The following UBAP2 variants were observed in gnomAD, a reference collection of about 807,000 sequenced individuals.
UBAP2 encodes the protein ubiquitin associated protein 2, also known as ubiquitin-associated protein 2.
In UBAP2, 75 loss-of-function variants were observed where a neutral mutation model predicts 139.6. That is an observed-to-expected ratio of 0.54 (90% CI 0.45 to 0.65). The LOEUF is 0.65. Ranked by LOEUF, UBAP2 falls within the 30% of genes least tolerant of loss-of-function variation. The probability of loss-of-function intolerance (pLI) is 0.00; values close to 1 mark genes in which losing one functional copy is unlikely to be tolerated. For missense variants in UBAP2, 1,368 were observed against 1,369.6 expected (o/e 1.00, Z 0.02); for synonymous variants, 526 against 526.2 (o/e 1.00, Z 0.01).
intron 1 of UBAP2, among the ~76,000 whole-genome samples, chr9:34,037,118 A>T (rs1450526779): frequency 2.0e-5 from 3 of 150,274 alleles, no homozygotes; most frequent in South Asian, 4.2e-4. Context: ...CCTCCGGATT[A>T]GCTGAGATTA....
At chr9:33,941,909 G>C in intron 15 of UBAP2, 47 bp from the exon 16 acceptor site, 1 of 1,336,578 alleles carries the variant, frequency 7.5e-7, no homozygotes, top group Non-Finnish European at 1.0e-6. Context: ...ACTTTAAATA[G>C]CTTCATAAAA....
In UBAP2 at chr9:33,973,256, T is replaced by C; in HGVS notation, c.521-19A>G. 6.2e-7 allele frequency: 1 copy of C among 1,612,318 alleles called. No homozygotes were observed. On this transcript the variant is annotated intron_variant, in intron 6 of 28. Transcript: ENST00000379238. ...CCAAATCCTTTAAAAAAACACACAA[T>C]TATAGTATAAAATAATACTTATGTC...
rs2781 is a variant in UBAP2 at position 33,921,979 on chromosome 9, G to C, written c.*525C>G. 62,302 of 153,372 alleles carry C rather than the reference G, an allele frequency of 0.41. 12,997 individuals are homozygous for C. The highest frequency in any genetic ancestry group is 0.48 in the African/African-American group (19,870 of 41,416). The allele number at this position is 153,372 out of a possible 1,614,324, so 9.5% of individuals were successfully genotyped here. ...AGGGATACCGCTGCTATTCCCAGAT[G>C]AAGATTTGGTGGAAGGAGACCATGA... is the stretch of plus-strand genomic sequence containing the variant. On this transcript the variant is annotated 3_prime_UTR_variant, in exon 29 of 29. Transcript: ENST00000379238.
intron 24 of UBAP2, 126 bp downstream of exon 24, chr9:33,923,669 T>C: frequency 8.7e-7 from 1 of 1,147,890 alleles, no homozygotes; most frequent in Non-Finnish European, 1.3e-6. Flanking sequence ...CCTGAACAGT[T>C]TCTGAAGACC....
At chr9:33,952,388 G>A (rs1261180807) in intron 12 of UBAP2, among the ~76,000 whole-genome samples, 1 of 152,118 alleles carries the variant, frequency 6.6e-6, no homozygotes, top group Non-Finnish European at 1.5e-5. Flanking sequence ...CTGGATGGGA[G>A]CTTAACACAC....
chr9:34,011,719 G>C, intron 2 of UBAP2: 1 of 909,506 alleles, frequency 1.1e-6, no homozygotes, highest in Non-Finnish European at 1.3e-6. Flanking sequence ...AGTTAAACAA[G>C]GTCAGTGCAC....
chr9:33,956,240 T>TA (rs753902309), intron 10 of UBAP2, 94 bp from the exon 11 acceptor site: 131 of 811,784 alleles, frequency 1.6e-4, no homozygotes, highest in Non-Finnish European at 2.3e-4. Context: ...AGTAGTCTCT[T>TA]ACACTTCGCA....
chr9:33,945,411 T>C (rs1220193881), intron 13 of UBAP2, among the ~76,000 whole-genome samples: 6 of 151,884 alleles, frequency 4.0e-5, no homozygotes, highest in Non-Finnish European at 8.8e-5. Context: ...AGGCAGGCCC[T>C]ATGACGTGAA....
Position 33,989,412 on chromosome 9 carries a change from A to T in UBAP2, c.289-286T>A, listed in dbSNP as rs555862961. On this transcript the variant is annotated intron_variant, in intron 4 of 28. Transcript: ENST00000379238. ...GAGATGGGGTTTCATCGTGTTAGCC[A>T]TGATGGTCTCGATCTCCTGACCTCG... 2.6e-4 allele frequency among the ~76,000 whole-genome samples: 40 copies of T among 152,260 alleles called. No individual in the cohort carries two copies. The South Asian group carries it at 8.1e-3, about 31-fold the overall frequency.
intron 1 of UBAP2, among the ~76,000 whole-genome samples, chr9:34,039,253 C>T (rs1057188803): frequency 2.0e-5 from 3 of 147,202 alleles, no homozygotes; most frequent in Admixed American, 6.8e-5. Flanking sequence ...TCCGCCTGGC[C>T]GCCGCCCCGT....
At chr9:34,001,676 A>C (rs1822714544) in intron 2 of UBAP2, among the ~76,000 whole-genome samples, 1 of 152,232 alleles carries the variant, frequency 6.6e-6, no homozygotes, top group Non-Finnish European at 1.5e-5. Context: ...ACAAAATGAA[A>C]GTAGACTGTT....
chr9:33,937,265 T>C (rs908695440), intron 16 of UBAP2, among the ~76,000 whole-genome samples: 3 of 152,112 alleles, frequency 2.0e-5, no homozygotes, highest in Admixed American at 6.6e-5. Flanking sequence ...TAACTGCGTC[T>C]GGGGTGTAAA....
Position 33,923,897 on chromosome 9 carries a change from C to T in UBAP2, c.2694G>A (p.Gln898=), listed in dbSNP as rs745994336. The part of the protein sequence containing the change: ...QSQSQTHHTA[Q]QPFVNPALPP... ...GCAGTGCAGGATTCACGAAGGGCTG[C>T]TGGGCTGTGTGGTGGGTCTGTGATT... is the stretch of plus-strand genomic sequence containing the variant. Residue 898 remains glutamine, a synonymous_variant, in exon 24 of 29, where the codon CAG becomes CAA. Transcript: ENST00000379238. 1.5e-5 allele frequency: 25 copies of T among 1,614,074 alleles called. No individual in the cohort carries two copies. In the African/African-American group the frequency reaches 3.2e-4, roughly 21 times the overall value.
At chr9:34,048,902 G>T (rs550687796), upstream of UBAP2, 1 of 152,172 alleles carries the variant, frequency 6.6e-6, no homozygotes, top group South Asian at 2.1e-4. Context: ...CTTACAAAGC[G>T]GCGGCGGCGG....
chr9:33,992,661 G>A lies in UBAP2; in HGVS notation c.289-3535C>T, dbSNP rs1030874998. Among the ~76,000 whole-genome samples, 7 of 150,240 alleles carry A rather than the reference G, an allele frequency of 4.7e-5. No homozygotes were observed. In the East Asian group the frequency reaches 7.9e-4, roughly 17 times the overall value. On this transcript the variant is annotated intron_variant, in intron 4 of 28. Coordinates refer to ENST00000379238, the MANE Select transcript of UBAP2 (RefSeq NM_001370062.2). Reference sequence around the variant, plus strand: ...ACAAAGACAACTTATCGGGCGGAGGGGGGGGGGCACAAATAGGGAAAAGAA... The same window carrying A: ...ACAAAGACAACTTATCGGGCGGAGGAGGGGGGGCACAAATAGGGAAAAGAA...
At chr9:33,973,128 C>A (rs1246490351) in intron 7 of UBAP2, 55 bp downstream of exon 7, 1 of 1,535,900 alleles carries the variant, frequency 6.5e-7, no homozygotes. Context: ...GAAGCAACTG[C>A]AGAATAAAAA....
At chr9:33,973,389 C>T in intron 6 of UBAP2, 152 bp from the exon 7 acceptor site, 1 of 759,068 alleles carries the variant, frequency 1.3e-6, no homozygotes. Context: ...TTAACTGATC[C>T]CTGCTGATAC....
intron 17 of UBAP2, 101 bp downstream of exon 17, chr9:33,935,738 A>G (rs307652): frequency 0.61 from 824,007 of 1,351,852 alleles, 253,255 homozygotes; most frequent in East Asian, 0.76. Flanking sequence ...TTTAACGAAT[A>G]AGCCATTGAC....
chr9:34,002,335 T>TA (rs1372012768), intron 2 of UBAP2, among the ~76,000 whole-genome samples: 1 of 151,592 alleles, frequency 6.6e-6, no homozygotes, highest in Non-Finnish European at 1.5e-5. Flanking sequence ...TATGAATATC[T>TA]ATATCACGTT....
Sources: allele counts gnomAD v4.1 joint callset (sites outside exome capture counted in the v4.1 genomes callset), GRCh38; gene constraint gnomAD v4.1.1; transcripts MANE v1.5; gene names NCBI Gene and HGNC (gene_info 2026-07-23, HGNC 2026-07-21).